Variants in KHDRBS2 observed in about 807,000 individuals in gnomAD.
The protein encoded by KHDRBS2 is KH RNA binding domain containing, signal transduction associated 2.
KHDRBS2 carries 26 observed loss-of-function variants against 44.3 expected under a neutral mutation model. The ratio of observed to expected loss-of-function variants is 0.59; its 90% CI spans 0.43 to 0.81. The LOEUF is 0.81. KHDRBS2 is among the 40% of genes least tolerant of loss of function. The pLI is 0.00. For missense variants in KHDRBS2, 476 were observed against 433.1 expected, an observed-to-expected ratio of 1.10 and a Z score of -0.88; for synonymous variants, 194 against 151.1, an observed-to-expected ratio of 1.28 and a Z score of -2.08.
intron 6 of KHDRBS2, among the ~76,000 whole-genome samples, chr6:61,741,694 G>T (rs778533393): frequency 6.6e-6 from 1 of 151,872 alleles, no homozygotes; most frequent in South Asian, 2.1e-4. Context: ...AATTTCCTAA[G>T]TTCAACCTAA....
intron 1 of KHDRBS2, among the ~76,000 whole-genome samples, chr6:62,210,071 GTTCTGTCCC>G (rs1828765791): frequency 6.6e-6 from 1 of 151,948 alleles, no homozygotes; most frequent in Non-Finnish European, 1.5e-5. Flanking sequence ...TATCCTACTT[GTTCTGTCCC>G]TCTAGAAAAC....
intron 4 of KHDRBS2, among the ~76,000 whole-genome samples, chr6:61,955,186 G>C (rs1443553433): frequency 2.8e-5 from 4 of 141,652 alleles, no homozygotes; most frequent in Non-Finnish European, 6.1e-5. Context: ...ATACACATAC[G>C]TTTGTATGTA....
At position 62,143,717 on chromosome 6, in the gene KHDRBS2, GTTAGAC is replaced by G. The variant is rs374373117; in HGVS notation, c.219+33462_219+33467del. Among the ~76,000 whole-genome samples, 66 of 151,712 alleles carry G rather than the reference GTTAGAC, an allele frequency of 4.4e-4. No individual in the cohort carries two copies. In the East Asian group the frequency reaches 0.011, roughly 25 times the overall value. ...TTATTTTTTTTCTCTATTTCAGAAT[GTTAGAC>G]TTAGAACAGATTGTAGTATTTAAGA... On this transcript the variant is annotated intron_variant, in intron 2 of 8. Coordinates refer to ENST00000281156, the MANE Select transcript of KHDRBS2 (RefSeq NM_152688.4).
chr6:61,732,202 G>A (rs1361561092), intron 7 of KHDRBS2, among the ~76,000 whole-genome samples: 4 of 151,814 alleles, frequency 2.6e-5, no homozygotes, highest in South Asian at 2.1e-4. Flanking sequence ...TCAATCTAAC[G>A]AGATATATTC....
chr6:61,979,140 T>C (rs934855016), intron 3 of KHDRBS2, among the ~76,000 whole-genome samples: 5 of 152,120 alleles, frequency 3.3e-5, no homozygotes, highest in Non-Finnish European at 5.9e-5. Context: ...ATTTTGTACA[T>C]ATTCACATGT....
chr6:61,785,179 A>C (rs114883932), intron 6 of KHDRBS2, among the ~76,000 whole-genome samples: 7,079 of 150,158 alleles, frequency 0.047, 235 homozygotes, highest in Non-Finnish European at 0.078. Flanking sequence ...CAACAACAAC[A>C]AAAAAAAACA....
Position 61,945,150 on chromosome 6 carries a change from T to TATATATATACACACAC in KHDRBS2, c.483+32915_483+32916insGTGTGTGTATATATAT, listed in dbSNP as rs371595813. Among the ~76,000 whole-genome samples the TATATATATACACACAC allele has an allele frequency of 1.8e-3, 159 of 86,970 alleles. 3 individuals are homozygous for TATATATATACACACAC. Among genetic ancestry groups the TATATATATACACACAC allele is most frequent in the African/African-American group, 6.4e-3 (150 of 23,318 alleles). 57.1% of individuals were successfully genotyped at this position (86,970 alleles called of 152,430 possible). On this transcript the variant is annotated intron_variant, in intron 4 of 8. Transcript: ENST00000281156. Reference sequence around the variant, plus strand: ...ATATATATATATATATATATATATATACACACAGACTTGTCTTGATAAAGT... The same window carrying TATATATATACACACAC: ...ATATATATATATATATATATATATATATATATATACACACACACACACAGACTTGTCTTGATAAAGT...
intron 2 of KHDRBS2, among the ~76,000 whole-genome samples, chr6:62,136,993 C>CTTTTT (rs141092447): frequency 0.023 from 1,778 of 78,226 alleles, 2 homozygotes; most frequent in Non-Finnish European, 0.026. Context: ...TCTTTCTTTT[C>CTTTTT]TTTTTTTTTT....
At chr6:62,192,998 C>T (rs796506476) in intron 1 of KHDRBS2, among the ~76,000 whole-genome samples, 14 of 152,072 alleles carry the variant, frequency 9.2e-5, no homozygotes, top group African/African-American at 2.9e-4. Context: ...CTAGTATTTA[C>T]GAATGGCTTA....
intron 2 of KHDRBS2, among the ~76,000 whole-genome samples, chr6:62,054,908 G>T (rs1339016050): frequency 6.6e-6 from 1 of 151,992 alleles, no homozygotes; most frequent in Non-Finnish European, 1.5e-5. Flanking sequence ...AAATACTAAG[G>T]AAAGAAGGAG....
chr6:61,881,073 G>A (rs544748372), intron 6 of KHDRBS2, among the ~76,000 whole-genome samples: 28 of 151,914 alleles, frequency 1.8e-4, no homozygotes, highest in African/African-American at 6.7e-4. Context: ...CAGAAACCTC[G>A]TGGGTATATG....
intron 1 of KHDRBS2, among the ~76,000 whole-genome samples, chr6:62,228,989 G>A (rs1832410664): frequency 1.3e-5 from 2 of 152,170 alleles, no homozygotes; most frequent in Non-Finnish European, 1.5e-5. Flanking sequence ...TGGGTGGCAC[G>A]AGGAGCAGGA....
chr6:62,074,014 T>A (rs1795841077), intron 2 of KHDRBS2, among the ~76,000 whole-genome samples: 1 of 151,738 alleles, frequency 6.6e-6, no homozygotes, highest in Non-Finnish European at 1.5e-5. Flanking sequence ...GTAATATGGA[T>A]CACAATCAAC....
At chr6:62,206,710 T>C (rs993866363) in intron 1 of KHDRBS2, among the ~76,000 whole-genome samples, 3 of 152,138 alleles carry the variant, frequency 2.0e-5, no homozygotes, top group African/African-American at 2.4e-5. Context: ...ATATCTGTTT[T>C]TCTGTCCCAA....
chr6:61,813,306 ACTGTGTT>A (rs1014619512), intron 6 of KHDRBS2, among the ~76,000 whole-genome samples: 22 of 152,142 alleles, frequency 1.4e-4, no homozygotes, highest in African/African-American at 4.3e-4. Context: ...ATGTGACAAT[ACTGTGTT>A]CAGAATTATT....
chr6:62,209,506 C>T (rs1253857503), intron 1 of KHDRBS2, among the ~76,000 whole-genome samples: 2 of 152,148 alleles, frequency 1.3e-5, no homozygotes, highest in Non-Finnish European at 2.9e-5. Flanking sequence ...TACCATGTTA[C>T]CATTATAAAT....
chr6:62,010,149 G>A (rs1780030019), intron 3 of KHDRBS2, among the ~76,000 whole-genome samples: 1 of 152,186 alleles, frequency 6.6e-6, no homozygotes, highest in Non-Finnish European at 1.5e-5. Context: ...CAAGACTACA[G>A]GAACCTATCT....
At chr6:61,803,563 C>T (rs879030124) in intron 6 of KHDRBS2, among the ~76,000 whole-genome samples, 32 of 152,200 alleles carry the variant, frequency 2.1e-4, no homozygotes, top group Admixed American at 5.2e-4. Context: ...TACTATTGGG[C>T]AGTGTATTGG....
intron 1 of KHDRBS2, among the ~76,000 whole-genome samples, chr6:62,212,110 A>C (rs1490336178): frequency 6.6e-6 from 1 of 152,194 alleles, no homozygotes; most frequent in Non-Finnish European, 1.5e-5. Flanking sequence ...TGGTGAGAAC[A>C]AATAACTCTA....
Sources: allele counts gnomAD v4.1 joint callset (sites outside exome capture counted in the v4.1 genomes callset), GRCh38; gene constraint gnomAD v4.1.1; transcripts MANE v1.5; gene names NCBI Gene and HGNC (gene_info 2026-07-23, HGNC 2026-07-21).